The following GUCY1A1 variants were observed in gnomAD, a reference collection of about 807,000 sequenced individuals.
The protein encoded by GUCY1A1 is guanylate cyclase 1 soluble subunit alpha 1.
Under a neutral mutation model 64.5 loss-of-function variants are expected in GUCY1A1, and 48 were observed. That is an observed-to-expected ratio of 0.74 (90% CI 0.59 to 0.95). The LOEUF is 0.95. Among genes scored for constraint, GUCY1A1 ranks in the 40% least tolerant of loss-of-function variants. The pLI is 0.00. For missense variants in GUCY1A1, 804 were observed against 825.3 expected (o/e 0.97, Z 0.32); for synonymous variants, 308 against 303.4 (o/e 1.02, Z -0.16).
intron 2 of GUCY1A1, among the ~76,000 whole-genome samples, chr4:155,669,403 G>A (rs774419206): frequency 5.3e-5 from 8 of 151,842 alleles, no homozygotes; most frequent in African/African-American, 1.9e-4. Flanking sequence ...CCCCTTAAAG[G>A]TCTTGCTTCT....
intron 2 of GUCY1A1, among the ~76,000 whole-genome samples, chr4:155,671,484 A>G (rs1297130696): frequency 6.6e-6 from 1 of 152,032 alleles, no homozygotes; most frequent in African/African-American, 2.4e-5. Flanking sequence ...TTTTTTAGTT[A>G]ATGTCATATC....
chr4:155,720,455 TGTTA>T (rs1733832128), intron 8 of GUCY1A1, among the ~76,000 whole-genome samples: 1 of 152,098 alleles, frequency 6.6e-6, no homozygotes, highest in South Asian at 2.1e-4. Context: ...AAGTTTTGCT[TGTTA>T]AAGTAAAACT....
intron 2 of GUCY1A1, among the ~76,000 whole-genome samples, chr4:155,672,375 G>C (rs1013939358): frequency 1.3e-5 from 2 of 152,060 alleles, no homozygotes; most frequent in African/African-American, 4.8e-5. Flanking sequence ...TTAGACTCCT[G>C]CTTTACATTA....
intron 6 of GUCY1A1, among the ~76,000 whole-genome samples, chr4:155,712,795 T>C (rs17033388): frequency 0.4 from 60,218 of 152,058 alleles, 12,171 homozygotes; most frequent in East Asian, 0.52. Context: ...AGTGAGACCA[T>C]TAAGAAGAAT....
At position 155,696,959 on chromosome 4, in the gene GUCY1A1, A is replaced by G. The variant is rs1392932693; in HGVS notation, c.92A>G (p.Glu31Gly). 1.9e-6 allele frequency: 3 copies of G among 1,613,390 alleles called. No homozygotes were observed. The highest frequency in any genetic ancestry group is 2.5e-6 in the Non-Finnish European group (3 of 1,179,482). The stretch of plus-strand genomic sequence containing the variant: ...GGTCAAGTTCCTAACGAGTCTTCAG[A>G]GGAGGCAGCAGGAAGCTCAGAGAGC... ...APGQVPNESS[E>G]EAAGSSESCK... Residue 31 changes from glutamate to glycine, a missense_variant, in exon 3 of 10, where the codon GAG becomes GGG. Transcript: ENST00000506455.
chr4:155,686,872 A>G (rs1021453575), intron 2 of GUCY1A1, among the ~76,000 whole-genome samples: 1 of 152,232 alleles, frequency 6.6e-6, no homozygotes, highest in Non-Finnish European at 1.5e-5. Flanking sequence ...ATTAGATAAG[A>G]TAAAACCAAA....
rs1438077356 is a variant in GUCY1A1, at chr4:155,721,963, G to A, written c.1717-75G>A. On this transcript the variant is annotated intron_variant, in intron 8 of 9. Transcript: ENST00000506455. ...GGGTGAATGGTAAAATAATTTAGACGGTATTCAAACGACACTGACGAGTAG... is the reference window on the plus strand; with the variant it reads ...GGGTGAATGGTAAAATAATTTAGACAGTATTCAAACGACACTGACGAGTAG... The A allele has an allele frequency of 2.0e-5, 20 of 1,002,492 alleles. No homozygotes were observed. In the East Asian group the frequency reaches 2.9e-4, roughly 14 times the overall value. 62.1% of individuals were successfully genotyped at this position (1,002,492 alleles called of 1,614,324 possible). A position where few individuals can be genotyped will look rare whatever the true frequency, so the allele number is the denominator to read the frequency against.
intron 9 of GUCY1A1, among the ~76,000 whole-genome samples, chr4:155,724,479 C>T (rs13139808): frequency 0.038 from 5,764 of 152,142 alleles, 136 homozygotes; most frequent in Middle Eastern, 0.072. Context: ...TCCACTCAAA[C>T]GGTTCTTATC....
In GUCY1A1 at chr4:155,730,167, T is replaced by C. The variant is rs1185715972; in HGVS notation, c.2009T>C (p.Phe670Ser). 6.2e-7 allele frequency: 1 copy of C among 1,611,860 alleles called. No homozygotes were observed. The highest frequency in any genetic ancestry group is 8.5e-7 in the Non-Finnish European group (1 of 1,178,464). ...YQQGTNSKPC[F>S]QKKDVEDGNA... ...CAAGGAACAAACTCAAAACCATGCT[T>C]CCAAAAGAAAGATGTGGAAGATGGC... The change falls in exon 10 of 10, where the codon TTC becomes TCC. Residue 670 changes from phenylalanine to serine, a missense_variant. Transcript: ENST00000506455.
At chr4:155,683,575 A>G (rs1443589931) in intron 2 of GUCY1A1, among the ~76,000 whole-genome samples, 1 of 152,208 alleles carries the variant, frequency 6.6e-6, no homozygotes, top group African/African-American at 2.4e-5. Flanking sequence ...GATAATGAGG[A>G]AAGTTATTTA....
At position 155,696,788 on chromosome 4, in the gene GUCY1A1, G is replaced by T; in HGVS notation, c.-80G>T. ...AGTTACCAGTGTCCTTGAATTGATA[G>T]TGGCTTCTGTTTGTCAGTCTCATAT... On this transcript the variant is annotated 5_prime_UTR_variant, in exon 3 of 10. Coordinates refer to ENST00000506455, the MANE Select transcript of GUCY1A1 (RefSeq NM_001130682.3). The T allele has an allele frequency of 7.5e-7, 1 of 1,335,326 alleles. No homozygotes were observed. Among genetic ancestry groups the T allele is most frequent in the Admixed American group, 1.9e-5 (1 of 52,302 alleles). The allele number at this position is 1,335,326 out of a possible 1,614,324, so 82.7% of individuals were successfully genotyped here.
chr4:155,694,205 G>A (rs1730130130), intron 2 of GUCY1A1, among the ~76,000 whole-genome samples: 2 of 152,012 alleles, frequency 1.3e-5, no homozygotes, highest in South Asian at 4.2e-4. Flanking sequence ...TAGTTATTTA[G>A]TATTATCTAT....
chr4:155,672,782 CA>C (rs1734323982), intron 2 of GUCY1A1, among the ~76,000 whole-genome samples: 1 of 152,168 alleles, frequency 6.6e-6, no homozygotes, highest in African/African-American at 2.4e-5. Context: ...TGGACTCTGT[CA>C]ACACTTCTCT....
At chr4:155,716,062 C>T (rs529823644) in intron 7 of GUCY1A1, among the ~76,000 whole-genome samples, 2 of 151,932 alleles carry the variant, frequency 1.3e-5, no homozygotes, top group Non-Finnish European at 2.9e-5. Context: ...AGAGATTGCT[C>T]CAGGAGAAAG....
At chr4:155,696,724 C>G (rs1730459104) in intron 2 of GUCY1A1, 32 bp from the exon 3 acceptor site, 2 of 659,834 alleles carry the variant, frequency 3.0e-6, no homozygotes, top group Non-Finnish European at 2.6e-6. Context: ...AAAGTCACTC[C>G]TCTTTCTGTT....
intron 9 of GUCY1A1, among the ~76,000 whole-genome samples, chr4:155,724,550 C>G (rs1012192812): frequency 3.3e-5 from 5 of 152,094 alleles, no homozygotes; most frequent in Non-Finnish European, 7.4e-5. Context: ...CTTATCCTCT[C>G]AGAAGCATTT....
intron 2 of GUCY1A1, among the ~76,000 whole-genome samples, chr4:155,692,210 G>A (rs1470915779): frequency 6.6e-6 from 1 of 152,206 alleles, no homozygotes; most frequent in East Asian, 1.9e-4. Flanking sequence ...GGGCAATTAG[G>A]TTGATTCCAT....
Position 155,736,724 on chromosome 4 carries a change from A to C in GUCY1A1, c.*6493A>C, listed in dbSNP as rs1451190346. The C allele has an allele frequency of 6.6e-6, 1 of 151,942 alleles. No homozygotes were observed. The highest frequency in any genetic ancestry group is 1.5e-5 in the Non-Finnish European group (1 of 67,936). The allele number at this position is 151,942 out of a possible 1,614,324, so 9.4% of individuals were successfully genotyped here. The stretch of plus-strand genomic sequence containing the variant: ...TTTCTTTTCAGCAAATATTTAACAT[A>C]TCTCTCAATATATTTTTCACCAGTT... On this transcript the variant is annotated 3_prime_UTR_variant, in exon 10 of 10. Transcript: ENST00000506455.
At chr4:155,692,662 G>T (rs1052015136) in intron 2 of GUCY1A1, among the ~76,000 whole-genome samples, 1 of 152,216 alleles carries the variant, frequency 6.6e-6, no homozygotes, top group African/African-American at 2.4e-5. Context: ...TTGGAGAAAA[G>T]TGTATCAGTG....
Sources: allele counts gnomAD v4.1 joint callset (sites outside exome capture counted in the v4.1 genomes callset), GRCh38; gene constraint gnomAD v4.1.1; transcripts MANE v1.5; gene names NCBI Gene and HGNC (gene_info 2026-07-23, HGNC 2026-07-21).